The following GOLGA3 variants were observed in gnomAD, a reference collection of about 807,000 sequenced individuals.
The protein encoded by GOLGA3 is golgin subfamily A member 3.
In GOLGA3, 75 loss-of-function variants were observed where a neutral mutation model predicts 169.4. The observed-to-expected ratio is 0.44, with a 90% CI of 0.37 to 0.54. The LOEUF (loss-of-function observed/expected upper bound fraction) is 0.54. Ranked by LOEUF, GOLGA3 falls within the 20% of genes least tolerant of loss-of-function variation. GOLGA3 has a pLI of 0.00. For missense variants in GOLGA3, 1,899 were observed against 1,930.0 expected, an observed-to-expected ratio of 0.98 and a Z score of 0.30; for synonymous variants, 824 against 822.4, an observed-to-expected ratio of 1.00 and a Z score of -0.03.
chr12:132,791,737 T>G (rs2046245435), intron 11 of GOLGA3, among the ~76,000 whole-genome samples: 1 of 125,524 alleles, frequency 8.0e-6, no homozygotes, highest in Admixed American at 8.1e-5. Flanking sequence ...GATGTTACAC[T>G]GAGGGCTCCA....
chr12:132,787,948 C>T (rs73487185), intron 13 of GOLGA3, among the ~76,000 whole-genome samples: 22,462 of 132,810 alleles, frequency 0.17, 2,969 homozygotes, highest in Admixed American at 0.19. Flanking sequence ...TCAGGATCAA[C>T]TGTGAACACT....
chr12:132,815,335 G>A lies in GOLGA3; in HGVS notation c.406+1205C>T, dbSNP rs530870683. ...CGCCAGCAGGAACAGGTGACCAGGG[G>A]CATCCCGCAAAGGTGTGCACGTAGA... On this transcript the variant is annotated intron_variant, in intron 3 of 23. Coordinates refer to ENST00000450791, the MANE Select transcript of GOLGA3 (RefSeq NM_001389683.1). Among the ~76,000 whole-genome samples the A allele has an allele frequency of 2.6e-5, 4 of 152,288 alleles. No individual in the cohort carries two copies. In the South Asian group the frequency reaches 8.3e-4, roughly 32 times the overall value.
intron 13 of GOLGA3, among the ~76,000 whole-genome samples, chr12:132,787,676 CGG>C (rs1159607747): frequency 6.3e-5 from 6 of 95,230 alleles, no homozygotes; most frequent in Admixed American, 9.9e-5. Flanking sequence ...GACCCCTCCC[CGG>C]AGACCCCGGG....
At position 132,822,002 on chromosome 12, in the gene GOLGA3, C is replaced by A. The variant is rs769252763; in HGVS notation, c.127G>T (p.Val43Phe). The A allele has an allele frequency of 1.4e-5, 23 of 1,606,006 alleles. No homozygotes were observed. The highest frequency in any genetic ancestry group is 4.0e-5 in the African/African-American group (3 of 74,192). ...GAGGAACCTCACGACTTACACTGGA[C>A]TTTGTCCTGCTGGTCAGGTGGCACC... ...PLVPPDQQDK[V>F]QCAEVNRAST... Residue 43 changes from valine (V) to phenylalanine (F), a missense_variant, in exon 2 of 24, where the codon GTC becomes TTC. Transcript: ENST00000450791.
At chr12:132,826,410 C>A (rs1950418024) in intron 1 of GOLGA3, among the ~76,000 whole-genome samples, 1 of 151,886 alleles carries the variant, frequency 6.6e-6, no homozygotes, top group Non-Finnish European at 1.5e-5. Context: ...CTGCAGAGGC[C>A]CACAGTGACG....
intron 11 of GOLGA3, among the ~76,000 whole-genome samples, chr12:132,792,664 G>A (rs112468270): frequency 1.1e-4 from 15 of 140,640 alleles, no homozygotes; most frequent in East Asian, 6.4e-4. Flanking sequence ...ACCTGCACTC[G>A]GAGGGCTCCA....
rs920262102 is a variant in GOLGA3 at position 132,780,216 on chromosome 12, G to A, written c.3582+582C>T. 7.2e-5 allele frequency among the ~76,000 whole-genome samples: 11 copies of A among 151,912 alleles called. No homozygotes were observed. The East Asian group carries it at 1.2e-3, about 16-fold the overall frequency. Reference sequence around the variant, plus strand: ...CACCACACCCCAGGCACACGTGCACGCACACCCCCCATGTGCACACACACG... The same window carrying A: ...CACCACACCCCAGGCACACGTGCACACACACCCCCCATGTGCACACACACG... On this transcript the variant is annotated intron_variant, in intron 18 of 23. Transcript: ENST00000450791.
At chr12:132,823,724 T>C (rs1285058397) in intron 1 of GOLGA3, among the ~76,000 whole-genome samples, 1 of 150,674 alleles carries the variant, frequency 6.6e-6, no homozygotes, top group Non-Finnish European at 1.5e-5. Flanking sequence ...GAGGCGGAGG[T>C]TGCACTGAAC....
chr12:132,780,673 A>C, intron 18 of GOLGA3, 125 bp downstream of exon 18: 1 of 690,470 alleles, frequency 1.4e-6, no homozygotes, highest in Non-Finnish European at 2.6e-6. Flanking sequence ...CGTCACCAAC[A>C]ACTGCAACAC....
At chr12:132,780,042 C>T (rs1237195077) in intron 18 of GOLGA3, among the ~76,000 whole-genome samples, 1 of 145,016 alleles carries the variant, frequency 6.9e-6, no homozygotes. Flanking sequence ...TGCACGGACA[C>T]CCCCCCGCGC....
Position 132,782,342 on chromosome 12 carries a change from G to C in GOLGA3, c.3419C>G (p.Thr1140Arg), listed in dbSNP as rs771798198. 18 of 1,614,142 alleles carry C rather than the reference G, an allele frequency of 1.1e-5. No individual in the cohort carries two copies. In the Admixed American group the frequency reaches 1.8e-4, roughly 16 times the overall value. Residue 1140 changes from threonine to arginine, a missense_variant, in exon 17 of 24, where the codon ACA becomes AGA. Coordinates refer to ENST00000450791, the MANE Select transcript of GOLGA3 (RefSeq NM_001389683.1). ...GTCTGCCTCCCTCTTGGCCAAAGCT[G>C]TTTCTAGGATGCTGTTGTGTTCCCG... ...ALREHNSILE[T>R]ALAKREADLV...
chr12:132,819,935 T>C (rs1950141134), intron 2 of GOLGA3, among the ~76,000 whole-genome samples: 1 of 152,222 alleles, frequency 6.6e-6, no homozygotes, highest in Admixed American at 6.5e-5. Context: ...ATCCCAGCAC[T>C]TTGGGAGGCC....
intron 2 of GOLGA3, among the ~76,000 whole-genome samples, chr12:132,820,227 T>C (rs1322009795): frequency 6.6e-6 from 1 of 151,172 alleles, no homozygotes; most frequent in African/African-American, 2.4e-5. Context: ...TAGTCACCGC[T>C]ACCCCAGAGA....
intron 4 of GOLGA3, 118 bp from the exon 5 acceptor site, chr12:132,808,667 C>T: frequency 1.2e-6 from 1 of 801,862 alleles, no homozygotes; most frequent in African/African-American, 1.7e-5. Context: ...CCAGAGAGCA[C>T]CACCTCCCCA....
At position 132,804,625 on chromosome 12, in the gene GOLGA3, G is replaced by A; in HGVS notation, c.1597+91C>T. ...GAGCAGCAAGGACCAGTCAGGGAAG[G>A]AGGAGGGCGTGGCGGGGGCCAGTCG... is the stretch of plus-strand genomic sequence containing the variant. On this transcript the variant is annotated intron_variant, in intron 7 of 23. Coordinates refer to ENST00000450791, the MANE Select transcript of GOLGA3 (RefSeq NM_001389683.1). This position sits in a 1 kb window ranked among gnomAD's most constrained non-coding sequence, Gnocchi z 4.1. 9.5e-6 allele frequency: 10 copies of A among 1,055,284 alleles called. No homozygotes were observed. Among genetic ancestry groups the A allele is most frequent in the Non-Finnish European group, 1.4e-5 (10 of 704,196 alleles). The allele number at this position is 1,055,284 out of a possible 1,614,324, so 65.4% of individuals were successfully genotyped here.
chr12:132,825,792 A>C (rs1950386812), intron 1 of GOLGA3: 1 of 1,339,690 alleles, frequency 7.5e-7, no homozygotes, highest in South Asian at 1.2e-5. Context: ...ACTGGCAAGG[A>C]GAAGCTCCTG....
At chr12:132,811,931 A>C in intron 4 of GOLGA3, 1 of 223,474 alleles carries the variant, frequency 4.5e-6, no homozygotes, top group Non-Finnish European at 7.2e-6. Context: ...GAATCACTGG[A>C]ACCTGGGAGG....
chr12:132,822,812 C>G lies in GOLGA3; in HGVS notation c.-183-501G>C, dbSNP rs541734925. 3.2e-4 allele frequency among the ~76,000 whole-genome samples: 48 copies of G among 152,284 alleles called. 1 individual carries two copies. The South Asian group carries it at 9.3e-3, about 30-fold the overall frequency. ...TGGTGAACACCTGTAATCCCAGCTA[C>G]TCGGGAGGCTGAGGCAGGAGAGTCA... On this transcript the variant is annotated intron_variant, in intron 1 of 23. Transcript: ENST00000450791.
At chr12:132,813,568 A>G (rs1220354513) in intron 3 of GOLGA3, 149 bp from the exon 4 acceptor site, 1 of 557,950 alleles carries the variant, frequency 1.8e-6, no homozygotes, top group African/African-American at 1.9e-5. Context: ...GACAATTTCT[A>G]GATCAAGAGA....
Sources: allele counts gnomAD v4.1 joint callset (sites outside exome capture counted in the v4.1 genomes callset), GRCh38; gene constraint gnomAD v4.1.1; non-coding constraint Gnocchi (gnomAD v3.1); transcripts MANE v1.5; gene names NCBI Gene and HGNC (gene_info 2026-07-23, HGNC 2026-07-21).